The following SYNE2 variants were observed in gnomAD, a reference collection of about 807,000 sequenced individuals.
SYNE2 encodes spectrin repeat containing nuclear envelope protein 2.
A neutral mutation model predicts 856.3 loss-of-function variants in SYNE2; 431 were observed. The observed-to-expected ratio is 0.50, with a 90% CI of 0.47 to 0.55. The LOEUF is 0.55. Among genes scored for constraint, SYNE2 ranks in the 20% least tolerant of loss-of-function variants. The pLI is 0.00. For synonymous variants in SYNE2, 2,923 were observed against 2,872.3 expected (o/e 1.02, Z -0.56); for missense variants, 8,129 against 8,023.2 (o/e 1.01, Z -0.50).
At chr14:63,978,815 T>C in intron 13 of SYNE2, 37 bp from the exon 14 acceptor site, 1 of 1,575,806 alleles carries the variant, frequency 6.3e-7, no homozygotes, top group Middle Eastern at 1.9e-4. Context: ...TGGTCAATAA[T>C]ATTAAGTTAA....
chr14:63,884,055 AGG>A (rs2094926593), intron 1 of SYNE2, among the ~76,000 whole-genome samples: 2 of 152,208 alleles, frequency 1.3e-5, no homozygotes, highest in South Asian at 4.1e-4. Context: ...AAAGCCGCTC[AGG>A]GCGAAGCTTA....
intron 23 of SYNE2, among the ~76,000 whole-genome samples, 200 bp downstream of exon 23, chr14:63,995,402 T>C (rs905212186): frequency 2.0e-5 from 3 of 152,184 alleles, no homozygotes; most frequent in Admixed American, 2.0e-4. Flanking sequence ...AATTCGGCAC[T>C]GAGTTAATAT....
intron 2 of SYNE2, among the ~76,000 whole-genome samples, chr14:63,920,177 C>T (rs138382441): frequency 1.3e-3 from 194 of 151,894 alleles, no homozygotes; most frequent in Non-Finnish European, 2.3e-3. Context: ...AAAATGTATC[C>T]TCTGATTACA....
Position 64,122,115 on chromosome 14 carries a change from C to T in SYNE2, c.13262C>T (p.Thr4421Ile). The T allele has an allele frequency of 6.2e-7, 1 of 1,614,070 alleles. No individual in the cohort carries two copies. The highest frequency in any genetic ancestry group is 8.5e-7 in the Non-Finnish European group (1 of 1,180,022). ...PQYCQHDNDTTQESSASNQAS... is the reference protein window; with the variant it reads ...PQYCQHDNDTIQESSASNQAS... ...TATTGCCAACATGATAACGATACAA[C>T]TCAGGAATCATCTGCAAGGTAAAAC... Residue 4421 changes from threonine to isoleucine, a missense_variant, in exon 69 of 116, where the codon ACT becomes ATT. By Grantham distance (89) the Thr-to-Ile change is moderately conservative. Transcript: ENST00000555002.
chr14:63,994,164 G>A (rs2096692904), intron 22 of SYNE2, among the ~76,000 whole-genome samples, 195 bp downstream of exon 22: 1 of 152,126 alleles, frequency 6.6e-6, no homozygotes, highest in Non-Finnish European at 1.5e-5. Context: ...GACAAACCTG[G>A]ATTCAGCAGC....
In SYNE2 at chr14:64,017,818, T is replaced by A. The variant is rs2096904978; in HGVS notation, c.5049+62T>A. 27 of 1,534,344 alleles carry A rather than the reference T, an allele frequency of 1.8e-5. 2 individuals carry two copies. The South Asian group carries it at 3.0e-4, about 17-fold the overall frequency. On this transcript the variant is annotated intron_variant, in intron 34 of 115. Coordinates refer to ENST00000555002, the MANE Select transcript of SYNE2 (RefSeq NM_182914.3). ...CACAATTGACATTTTTTATTTTTTA[T>A]GAATATAGTCAACAAACATTAGGAT...
chr14:64,195,605 G>A (rs754627765), intron 99 of SYNE2, among the ~76,000 whole-genome samples: 1 of 152,210 alleles, frequency 6.6e-6, no homozygotes, highest in Non-Finnish European at 1.5e-5. Context: ...TTATAGTAGT[G>A]GCAATTAAAA....
chr14:64,085,906 C>T (rs190090479), intron 57 of SYNE2, among the ~76,000 whole-genome samples: 62 of 152,206 alleles, frequency 4.1e-4, no homozygotes, highest in Admixed American at 7.2e-4. Flanking sequence ...TTCTGAAAAC[C>T]ATTCTTTTGA....
At chr14:64,092,408 G>A (rs924860074) in intron 60 of SYNE2, among the ~76,000 whole-genome samples, 4 of 152,152 alleles carry the variant, frequency 2.6e-5, no homozygotes, top group Non-Finnish European at 5.9e-5. Flanking sequence ...TTCTACTTTA[G>A]ATATTGTAAG....
intron 1 of SYNE2, among the ~76,000 whole-genome samples, chr14:63,889,908 A>G (rs1019642575): frequency 4.6e-5 from 7 of 152,164 alleles, no homozygotes; most frequent in Non-Finnish European, 1.5e-5. Flanking sequence ...TAATATGATC[A>G]GACAAAAAGG....
At chr14:63,879,893 A>T (rs2094819262) in intron 1 of SYNE2, among the ~76,000 whole-genome samples, 1 of 152,252 alleles carries the variant, frequency 6.6e-6, no homozygotes, top group Non-Finnish European at 1.5e-5. Context: ...AGGATATCGC[A>T]GTTGCGTAGA....
intron 34 of SYNE2, among the ~76,000 whole-genome samples, chr14:64,018,396 A>T (rs563848032): frequency 4.5e-4 from 68 of 152,086 alleles, no homozygotes; most frequent in African/African-American, 1.5e-3. Context: ...GCACACCACC[A>T]CACCTGGCTA....
chr14:64,081,708 A>G (rs2097525140), intron 57 of SYNE2, 128 bp downstream of exon 57: 1 of 1,080,786 alleles, frequency 9.3e-7, no homozygotes, highest in African/African-American at 1.5e-5. Context: ...TGTCAGTGGC[A>G]GAAGGAAGCT....
At chr14:64,107,990 G>A (rs867600114) in intron 65 of SYNE2, among the ~76,000 whole-genome samples, 4 of 152,288 alleles carry the variant, frequency 2.6e-5, no homozygotes, top group Non-Finnish European at 2.9e-5. Context: ...CCCTCAGACT[G>A]TATAAGGTAG....
At chr14:63,875,483 C>T (rs553565476) in intron 1 of SYNE2, among the ~76,000 whole-genome samples, 1 of 152,252 alleles carries the variant, frequency 6.6e-6, no homozygotes, top group Non-Finnish European at 1.5e-5. Context: ...ACCATCACTT[C>T]CTCCTTCTCC....
chr14:64,191,389 A>G (rs954757606), intron 99 of SYNE2, among the ~76,000 whole-genome samples: 3 of 152,080 alleles, frequency 2.0e-5, no homozygotes, highest in African/African-American at 7.2e-5. Flanking sequence ...GAGAGCTCAG[A>G]TCCCATCTTC....
intron 94 of SYNE2, among the ~76,000 whole-genome samples, chr14:64,172,505 A>G (rs561928508): frequency 5.9e-5 from 9 of 152,296 alleles, no homozygotes; most frequent in Admixed American, 1.3e-4. Context: ...TGGTACCCCA[A>G]TGGTTTCAAA....
At chr14:64,135,454 T>C (rs1006703384) in intron 78 of SYNE2, among the ~76,000 whole-genome samples, 5 of 152,244 alleles carry the variant, frequency 3.3e-5, no homozygotes, top group African/African-American at 1.2e-4. Context: ...ATTAATTATA[T>C]TGAGCCTAAC....
At position 64,193,141 on chromosome 14, in the gene SYNE2, C is replaced by T. The variant is rs138869773; in HGVS notation, c.18038+2904C>T. On this transcript the variant is annotated intron_variant, in intron 99 of 115. Coordinates refer to ENST00000555002, the MANE Select transcript of SYNE2 (RefSeq NM_182914.3). The stretch of plus-strand genomic sequence containing the variant: ...ACAGTGGCGACAAGAACCTGCTCTG[C>T]GGGATGCCCTGATGGCTTCATTTGC... Among the ~76,000 whole-genome samples, 446 of 152,354 alleles carry T rather than the reference C, an allele frequency of 2.9e-3. 2 individuals are homozygous for T. The highest frequency in any genetic ancestry group is 8.8e-3 in the African/African-American group (367 of 41,584).
Sources: gnomAD v4.1 joint callset for allele counts (sites outside exome capture counted in the v4.1 genomes callset) on GRCh38, gnomAD v4.1.1 for gene constraint, MANE v1.5 for transcripts, NCBI Gene and HGNC (gene_info 2026-07-23, HGNC 2026-07-21) for gene names.